SHPRH: variants seen among roughly 807,000 people sequenced by gnomAD.
SHPRH encodes the protein E3 ubiquitin-protein ligase SHPRH.
In SHPRH, 106 loss-of-function variants were observed where a neutral mutation model predicts 202.5. The observed-to-expected ratio is 0.52, with a 90% CI of 0.45 to 0.62. The LOEUF is 0.62. Among genes scored for constraint, SHPRH ranks in the 20% least tolerant of loss-of-function variants. The pLI is 0.00. For synonymous variants in SHPRH, 729 were observed against 686.0 expected (o/e 1.06, Z -0.98); for missense variants, 1,710 against 2,020.0 (o/e 0.85, Z 2.94).
At chr6:145,905,991 T>C (rs1266827472) in intron 25 of SHPRH, 2 of 152,102 alleles carry the variant, frequency 1.3e-5, no homozygotes, top group Non-Finnish European at 2.9e-5. Context: ...GTAGAAATAC[T>C]GCTCTTCACT....
chr6:145,877,628 C>A (rs1780362626), intron 2 of SHPRH: 1 of 152,174 alleles, frequency 6.6e-6, no homozygotes, highest in Admixed American at 6.5e-5. Flanking sequence ...TATTTTCTTT[C>A]CTTTCTTTGC....
In SHPRH at chr6:145,963,743, C is replaced by T. The variant is rs1011889666; in HGVS notation, c.-45G>A. 2 of 152,158 alleles carry T rather than the reference C, an allele frequency of 1.3e-5. No homozygotes were observed. Among genetic ancestry groups the T allele is most frequent in the Non-Finnish European group, 2.9e-5 (2 of 68,040 alleles). The allele number at this position is 152,158 out of a possible 1,614,324, so 9.4% of individuals were successfully genotyped here. A position where few individuals can be genotyped will look rare whatever the true frequency, so the allele number is the denominator to read the frequency against. On this transcript the variant is annotated 5_prime_UTR_variant, in exon 1 of 30. Transcript: ENST00000275233. ...GCACGGTACCCACTCAGTTATCTTC[C>T]GAAAGACCCACAAGCGGCTCCCGGA...
intron 21 of SHPRH, among the ~76,000 whole-genome samples, chr6:145,920,154 A>G (rs1784311750): frequency 6.6e-6 from 1 of 152,166 alleles, no homozygotes; most frequent in African/African-American, 2.4e-5. Context: ...ATTTTGAGGT[A>G]GATCTGGTAG....
intron 15 of SHPRH, among the ~76,000 whole-genome samples, chr6:145,926,798 C>T (rs899908709): frequency 2.6e-5 from 4 of 151,832 alleles, no homozygotes; most frequent in African/African-American, 9.7e-5. Flanking sequence ...CCCTAAAGAC[C>T]TCTAAAAATT....
intron 25 of SHPRH, among the ~76,000 whole-genome samples, chr6:145,899,441 A>G (rs1294723893): frequency 6.6e-6 from 1 of 152,154 alleles, no homozygotes; most frequent in Non-Finnish European, 1.5e-5. Flanking sequence ...ACAATGGGGA[A>G]AAAACAGTCT....
intron 2 of SHPRH, among the ~76,000 whole-genome samples, chr6:145,871,858 A>G (rs1284907817): frequency 6.6e-6 from 1 of 152,222 alleles, no homozygotes; most frequent in East Asian, 1.9e-4. Context: ...GACATAGACC[A>G]ATGGAAAAGA....
rs1161259302 is a variant in SHPRH at position 145,964,099 on chromosome 6, A to ACCTC, written c.-405_-402dup. ...TCCCTGGTCCCGGAGGCCAAAGACCACCTCCCTCCCTCCCTCCCGACCTCT... is the reference window on the plus strand; with the variant it reads ...TCCCTGGTCCCGGAGGCCAAAGACCACCTCCCTCCCTCCCTCCCTCCCGACCTCT... On this transcript the variant is annotated 5_prime_UTR_variant, in exon 1 of 30. An upstream open reading frame in the 5' UTR gains an earlier in-frame stop. Transcript: ENST00000275233. The ACCTC allele has an allele frequency of 2.0e-5, 3 of 150,734 alleles. No homozygotes were observed. Among genetic ancestry groups the ACCTC allele is most frequent in the South Asian group, 2.1e-4 (1 of 4,760 alleles). The allele number at this position is 150,734 out of a possible 1,614,324, so 9.3% of individuals were successfully genotyped here.
chr6:145,940,202 A>C (rs1485629886), intron 11 of SHPRH, among the ~76,000 whole-genome samples: 1 of 152,140 alleles, frequency 6.6e-6, no homozygotes, highest in Admixed American at 6.5e-5. Context: ...AGAAACAATA[A>C]CGGTATATAC....
chr6:145,962,970 C>T (rs1321338008), intron 1 of SHPRH, among the ~76,000 whole-genome samples: 1 of 152,198 alleles, frequency 6.6e-6, no homozygotes, highest in African/African-American at 2.4e-5. Context: ...CTAAATCTTA[C>T]TGGCCTAAAC....
chr6:145,944,140 A>C (rs2128785008), intron 8 of SHPRH, among the ~76,000 whole-genome samples: 1 of 152,306 alleles, frequency 6.6e-6, no homozygotes, highest in East Asian at 1.9e-4. Flanking sequence ...TAAATATACA[A>C]ATCAGGGCAA....
At chr6:145,920,449 T>A (rs1389224357) in intron 21 of SHPRH, among the ~76,000 whole-genome samples, 1 of 152,150 alleles carries the variant, frequency 6.6e-6, no homozygotes, top group Non-Finnish European at 1.5e-5. Context: ...ATGTTATAAA[T>A]GTATTCCCCA....
chr6:145,908,600 T>C (rs754603737), intron 25 of SHPRH: 13 of 152,100 alleles, frequency 8.5e-5, no homozygotes, highest in Non-Finnish European at 1.5e-4. Context: ...CAATTTTTGA[T>C]GGGGTTGTTT....
chr6:145,911,602 C>T (rs1783502876), intron 24 of SHPRH, among the ~76,000 whole-genome samples: 1 of 152,094 alleles, frequency 6.6e-6, no homozygotes, highest in African/African-American at 2.4e-5. Flanking sequence ...GTAGTTTTAA[C>T]CGTTTTCATC....
intron 2 of SHPRH, among the ~76,000 whole-genome samples, chr6:145,877,354 A>C (rs927720559): frequency 1.3e-5 from 2 of 152,148 alleles, no homozygotes; most frequent in Non-Finnish European, 2.9e-5. Flanking sequence ...TAGTTCAGGG[A>C]CTAAGCTCTG....
chr6:145,886,525 G>T lies in SHPRH; in HGVS notation c.*166C>A. On this transcript the variant is annotated 3_prime_UTR_variant, in exon 30 of 30. Transcript: ENST00000275233. ...TCTTTTGGAAACAGTATATTGAAAA[G>T]GACTCAATAAGTACTAAGCCACTGT... 1 of 1,210,230 alleles carries T rather than the reference G, an allele frequency of 8.3e-7. No individual in the cohort carries two copies. The highest frequency in any genetic ancestry group is 1.2e-6 in the Non-Finnish European group (1 of 853,482). 75.0% of individuals were successfully genotyped at this position (1,210,230 alleles called of 1,614,324 possible).
chr6:145,914,272 A>G (rs1783754588), intron 23 of SHPRH, among the ~76,000 whole-genome samples: 1 of 152,110 alleles, frequency 6.6e-6, no homozygotes, highest in Non-Finnish European at 1.5e-5. Flanking sequence ...CTGCTCAAGA[A>G]AGTAAACTAG....
Position 145,924,814 on chromosome 6 carries a change from CT to C in SHPRH, c.3326del (p.Lys1109SerfsTer35), listed in dbSNP as rs1267108937. 6.2e-7 allele frequency: 1 copy of C among 1,611,680 alleles called. No individual in the cohort carries two copies. The highest frequency in any genetic ancestry group is 8.5e-7 in the Non-Finnish European group (1 of 1,178,470). ...GGGCTTCAGCAACTTCTGTATTACACTTGCTCATGTAGTGCTCTCGCAGCTG... is the reference window on the plus strand; with the variant it reads ...GGGCTTCAGCAACTTCTGTATTACACTGCTCATGTAGTGCTCTCGCAGCTG... ...AKQLREHYMS[K>X]CNTEVAEAQQ... On this transcript the variant is annotated frameshift_variant, in exon 17 of 30. Coordinates refer to ENST00000275233, the MANE Select transcript of SHPRH (RefSeq NM_001042683.3). LOFTEE classifies it high-confidence loss of function.
At chr6:145,919,285 G>T in intron 22 of SHPRH, 63 bp downstream of exon 22, 1 of 1,590,986 alleles carries the variant, frequency 6.3e-7, no homozygotes. Context: ...CCTTTTCTAT[G>T]GGTCTTAGAT....
chr6:145,903,643 G>A (rs981424209), intron 25 of SHPRH: 4 of 152,084 alleles, frequency 2.6e-5, no homozygotes, highest in Admixed American at 6.6e-5. Context: ...AGCATGTGGT[G>A]GGTGGGAAGG....
Sources: gnomAD v4.1 joint callset for allele counts (sites outside exome capture counted in the v4.1 genomes callset) on GRCh38, gnomAD v4.1.1 for gene constraint, MANE v1.5 for transcripts, NCBI Gene and HGNC (gene_info 2026-07-23, HGNC 2026-07-21) for gene names.